Variants in HDLBP observed in about 807,000 individuals in gnomAD.
HDLBP encodes the protein high density lipoprotein binding protein.
In HDLBP, 30 loss-of-function variants were observed where a neutral mutation model predicts 137.3. That is an observed-to-expected ratio of 0.22 (90% CI 0.16 to 0.30). The LOEUF is 0.30. HDLBP is among the 10% of genes least tolerant of loss of function. The pLI is 1.00. For missense variants in HDLBP, 1,119 were observed against 1,667.3 expected (o/e 0.67, Z 5.73); for synonymous variants, 606 against 596.0 (o/e 1.02, Z -0.24).
chr2:241,294,250 C>A (rs538039596), intron 1 of HDLBP, among the ~76,000 whole-genome samples: 56 of 152,042 alleles, frequency 3.7e-4, no homozygotes, highest in Non-Finnish European at 7.4e-4. Flanking sequence ...ATCAGGGGGC[C>A]AAGGGCATGT....
intron 1 of HDLBP, among the ~76,000 whole-genome samples, chr2:241,306,708 G>A (rs2075588309): frequency 1.3e-5 from 2 of 151,734 alleles, no homozygotes; most frequent in African/African-American, 4.8e-5. Context: ...AGGAATTCGA[G>A]ACCAGCCTGG....
intron 20 of HDLBP, among the ~76,000 whole-genome samples, chr2:241,237,532 G>A (rs975314051): frequency 1.3e-5 from 2 of 152,206 alleles, no homozygotes; most frequent in African/African-American, 2.4e-5. Flanking sequence ...GTGATCCTAG[G>A]ATGGGGAAGT....
chr2:241,269,130 A>G (rs543733957), intron 1 of HDLBP: 1 of 152,348 alleles, frequency 6.6e-6, no homozygotes, highest in East Asian at 1.9e-4. Context: ...ATGAAATCGC[A>G]GGATTGAAAG....
At chr2:241,282,024 G>A (rs759183172) in intron 1 of HDLBP, among the ~76,000 whole-genome samples, 7 of 152,120 alleles carry the variant, frequency 4.6e-5, no homozygotes, top group Non-Finnish European at 5.9e-5. Flanking sequence ...TGTGTTTAAT[G>A]AATAAATTTA....
At chr2:241,292,020 A>G (rs1193198691) in intron 1 of HDLBP, among the ~76,000 whole-genome samples, 1 of 152,224 alleles carries the variant, frequency 6.6e-6, no homozygotes, top group Non-Finnish European at 1.5e-5. Flanking sequence ...CACCAACTAA[A>G]TAACGGGTAC....
At chr2:241,259,796 T>C (rs966828238) in intron 5 of HDLBP, among the ~76,000 whole-genome samples, 8 of 151,856 alleles carry the variant, frequency 5.3e-5, no homozygotes, top group African/African-American at 1.9e-4. Flanking sequence ...AAAGTACAAT[T>C]ATCCTAGCTC....
chr2:241,232,473 G>A (rs989914856), intron 24 of HDLBP, among the ~76,000 whole-genome samples: 1 of 152,056 alleles, frequency 6.6e-6, no homozygotes, highest in Non-Finnish European at 1.5e-5. Context: ...ACAGGCTTTC[G>A]CCATGTTGGT....
chr2:241,276,134 AG>A (rs2074379808), intron 1 of HDLBP, among the ~76,000 whole-genome samples: 1 of 152,220 alleles, frequency 6.6e-6, no homozygotes, highest in African/African-American at 2.4e-5. Context: ...ATAAGGTGGA[AG>A]GGGGATATGA....
intron 5 of HDLBP, among the ~76,000 whole-genome samples, chr2:241,257,516 C>T (rs780322808): frequency 6.6e-6 from 1 of 152,084 alleles, no homozygotes; most frequent in Non-Finnish European, 1.5e-5. Context: ...CAGGTGTGAG[C>T]CACTGCGCCT....
intron 1 of HDLBP, among the ~76,000 whole-genome samples, chr2:241,314,583 T>A (rs1029222120): frequency 9.8e-5 from 15 of 152,304 alleles, no homozygotes; most frequent in Non-Finnish European, 2.1e-4. Context: ...CCTTCAGCCG[T>A]TTAATTTCAC....
chr2:241,272,892 C>T lies in HDLBP; in HGVS notation c.-102-4351G>A, dbSNP rs1189855899. The T allele has an allele frequency of 4.1e-6, 2 of 486,958 alleles. No homozygotes were observed. Among genetic ancestry groups the T allele is most frequent in the Non-Finnish European group, 5.3e-6 (2 of 374,664 alleles). 30.2% of individuals were successfully genotyped at this position (486,958 alleles called of 1,614,324 possible). A position where few individuals can be genotyped will look rare whatever the true frequency, so the allele number is the denominator to read the frequency against. On this transcript the variant is annotated intron_variant, in intron 1 of 27. Coordinates refer to ENST00000310931, the MANE Select transcript of HDLBP (RefSeq NM_005336.6). This position sits in a 1 kb window ranked among gnomAD's most constrained non-coding sequence, Gnocchi z 5.6. ...GCGGCGGCCCAATCCCGCCTGGACACGTCAGCGCCCGCCCGCCCCGCCGCT... is the reference window on the plus strand; with the variant it reads ...GCGGCGGCCCAATCCCGCCTGGACATGTCAGCGCCCGCCCGCCCCGCCGCT...
Position 241,238,056 on chromosome 2 carries a change from C to T in HDLBP, c.2749+593G>A, listed in dbSNP as rs556426459. Among the ~76,000 whole-genome samples, 4 of 152,348 alleles carry T rather than the reference C, an allele frequency of 2.6e-5. No individual in the cohort carries two copies. The highest frequency in any genetic ancestry group is 5.9e-5 in the Non-Finnish European group (4 of 68,036). ...AGAGTGGAGGGCGGGCATCTGATAA[C>T]ACAGAGTGGAGGGCATACCTTTTGT... On this transcript the variant is annotated intron_variant, in intron 20 of 27. Coordinates refer to ENST00000310931, the MANE Select transcript of HDLBP (RefSeq NM_005336.6). This position sits in a 1 kb window ranked among gnomAD's most constrained non-coding sequence, Gnocchi z 4.9.
chr2:241,295,251 T>G (rs778685589), intron 1 of HDLBP, among the ~76,000 whole-genome samples: 2 of 152,184 alleles, frequency 1.3e-5, no homozygotes, highest in Non-Finnish European at 2.9e-5. Context: ...TTCCCCAAAG[T>G]AACATATTTA....
At chr2:241,256,131 A>G in intron 7 of HDLBP, 53 bp downstream of exon 7, 4 of 1,496,446 alleles carry the variant, frequency 2.7e-6, no homozygotes, top group Non-Finnish European at 3.7e-6. Context: ...TCCAGACCCA[A>G]ATCCTCATTT....
chr2:241,300,873 A>G (rs1173777715), intron 1 of HDLBP, among the ~76,000 whole-genome samples: 2 of 152,188 alleles, frequency 1.3e-5, no homozygotes, highest in Non-Finnish European at 2.9e-5. Flanking sequence ...AGCATGAGCA[A>G]TTAGATCAAA....
intron 1 of HDLBP, among the ~76,000 whole-genome samples, chr2:241,288,650 G>C (rs747177731): frequency 2.6e-5 from 4 of 152,146 alleles, no homozygotes; most frequent in Non-Finnish European, 4.4e-5. Flanking sequence ...TATGACCCAT[G>C]GGTTTACTGA....
At chr2:241,295,347 A>G (rs896554324) in intron 1 of HDLBP, among the ~76,000 whole-genome samples, 1 of 152,230 alleles carries the variant, frequency 6.6e-6, no homozygotes, top group Non-Finnish European at 1.5e-5. Context: ...TAGGCCATCT[A>G]AAGAGACAGA....
At chr2:241,256,121 T>C in intron 7 of HDLBP, 63 bp downstream of exon 7, 4 of 1,414,280 alleles carry the variant, frequency 2.8e-6, no homozygotes, top group Middle Eastern at 1.8e-4. Context: ...TAACTGAATC[T>C]CCAGACCCAA....
intron 1 of HDLBP, among the ~76,000 whole-genome samples, chr2:241,274,307 G>A (rs1421274701): frequency 5.3e-5 from 8 of 152,284 alleles, no homozygotes; most frequent in East Asian, 1.9e-4. Context: ...GCGGCTTGAC[G>A]CAGAGAAGGA....
Sources: allele counts gnomAD v4.1 joint callset (sites outside exome capture counted in the v4.1 genomes callset), GRCh38; gene constraint gnomAD v4.1.1; non-coding constraint Gnocchi (gnomAD v3.1); transcripts MANE v1.5; gene names NCBI Gene and HGNC (gene_info 2026-07-23, HGNC 2026-07-21).